The following SLC5A8 variants were observed in gnomAD, a reference collection of about 807,000 sequenced individuals.
SLC5A8 encodes solute carrier family 5 member 8.
In SLC5A8, 55 loss-of-function variants were observed where a neutral mutation model predicts 71.9. The ratio of observed to expected loss-of-function variants is 0.77; its 90% CI spans 0.62 to 0.96. The LOEUF is 0.96. Ranked by LOEUF, SLC5A8 falls within the 40% of genes least tolerant of loss-of-function variation. The probability of loss-of-function intolerance (pLI) is 0.00; values close to 1 mark genes in which losing one functional copy is unlikely to be tolerated. For synonymous variants in SLC5A8, 307 were observed against 276.1 expected, an observed-to-expected ratio of 1.11 and a Z score of -1.11; for missense variants, 701 against 745.3, an observed-to-expected ratio of 0.94 and a Z score of 0.69.
intron 10 of SLC5A8, among the ~76,000 whole-genome samples, chr12:101,172,541 G>A (rs144067131): frequency 2.3e-4 from 35 of 152,282 alleles, no homozygotes; most frequent in African/African-American, 8.4e-4. Context: ...CTCATCCCGT[G>A]GGTGAGGGGT....
At chr12:101,162,296 C>T (rs1364167554) in intron 12 of SLC5A8, among the ~76,000 whole-genome samples, 2 of 152,196 alleles carry the variant, frequency 1.3e-5, no homozygotes, top group Non-Finnish European at 2.9e-5. Context: ...TTTATTCATT[C>T]AATTCTGCAT....
intron 3 of SLC5A8, among the ~76,000 whole-genome samples, chr12:101,200,009 C>CAAAAAA (rs1182463470): frequency 3.1e-4 from 3 of 9,632 alleles, no homozygotes; most frequent in Non-Finnish European, 6.1e-4. Context: ...GTACTACCAG[C>CAAAAAA]AAAAAAAAAA....
At chr12:101,180,399 C>T (rs572837868) in intron 9 of SLC5A8, among the ~76,000 whole-genome samples, 2 of 152,258 alleles carry the variant, frequency 1.3e-5, no homozygotes, top group East Asian at 3.9e-4. Flanking sequence ...TGTTATTAAT[C>T]TAATCATCCA....
intron 1 of SLC5A8, among the ~76,000 whole-genome samples, chr12:101,206,878 C>G (rs771178871): frequency 1.4e-4 from 22 of 152,090 alleles, no homozygotes; most frequent in Non-Finnish European, 1.5e-5. Context: ...TTGCTAAACA[C>G]CTATCAGGAC....
intron 12 of SLC5A8, among the ~76,000 whole-genome samples, chr12:101,163,473 G>C (rs908104154): frequency 6.6e-6 from 1 of 152,158 alleles, no homozygotes; most frequent in Admixed American, 6.5e-5. Context: ...GAGGTCAGGA[G>C]TTCAAGACCA....
rs1042080298 is a variant in SLC5A8 at position 101,190,402 on chromosome 12, TGAAA to T, written c.833+62_833+65del. 4.0e-5 allele frequency: 61 copies of T among 1,542,538 alleles called. No individual in the cohort carries two copies. The Admixed American group carries it at 1.2e-3, about 30-fold the overall frequency. On this transcript the variant is annotated intron_variant, in intron 6 of 14. Transcript: ENST00000536262. ...ACATAAAGGAGCTAAACGTGACTTA[TGAAA>T]GAGTTTCCATAAAGACAACTGATGG...
chr12:101,196,890 T>C (rs1869201199), intron 3 of SLC5A8, among the ~76,000 whole-genome samples: 1 of 152,038 alleles, frequency 6.6e-6, no homozygotes, highest in Admixed American at 6.6e-5. Context: ...TAACTCAGAG[T>C]TCTGGTGATG....
At chr12:101,202,476 C>T (rs1869498012) in intron 2 of SLC5A8, among the ~76,000 whole-genome samples, 2 of 151,888 alleles carry the variant, frequency 1.3e-5, no homozygotes, top group South Asian at 4.1e-4. Flanking sequence ...TTATATGGTG[C>T]TTAGTGCAAA....
chr12:101,189,224 C>A (rs192672006), intron 6 of SLC5A8, among the ~76,000 whole-genome samples: 7 of 152,254 alleles, frequency 4.6e-5, no homozygotes, highest in African/African-American at 1.7e-4. Context: ...TTTAAAAGTA[C>A]AATAGACTAC....
intron 13 of SLC5A8, among the ~76,000 whole-genome samples, chr12:101,158,598 C>CTCTCTCTCTCTCTCTATATATA (rs1411795424): frequency 1.4e-4 from 3 of 21,256 alleles, no homozygotes; most frequent in Non-Finnish European, 2.6e-4. Context: ...CTCTCTCTCT[C>CTCTCTCTCTCTCTCTATATATA]TATATATATA....
chr12:101,175,555 G>A (rs959382617), intron 10 of SLC5A8, among the ~76,000 whole-genome samples: 1 of 151,276 alleles, frequency 6.6e-6, no homozygotes, highest in Non-Finnish European at 1.5e-5. Context: ...CTCAAAACAA[G>A]GAAATACACA....
rs1593371241 is a variant in SLC5A8, at chr12:101,179,879, A to G, written c.1233+150T>C. 3 of 758,572 alleles carry G rather than the reference A, an allele frequency of 4.0e-6. No individual in the cohort carries two copies. In the Admixed American group the frequency reaches 7.1e-5, roughly 18 times the overall value. The allele number at this position is 758,572 out of a possible 1,614,324, so 47.0% of individuals were successfully genotyped here. A position where few individuals can be genotyped will look rare whatever the true frequency, so the allele number is the denominator to read the frequency against. ...CAATTATCTCAAAACACAAAGTTTA[A>G]TTAAAAAAAATTAAAAAGTGTAGTC... On this transcript the variant is annotated intron_variant, in intron 10 of 14. Coordinates refer to ENST00000536262, the MANE Select transcript of SLC5A8 (RefSeq NM_145913.5).
chr12:101,171,409 C>T (rs1328996462), intron 10 of SLC5A8, among the ~76,000 whole-genome samples: 1 of 152,160 alleles, frequency 6.6e-6, no homozygotes, highest in Non-Finnish European at 1.5e-5. Flanking sequence ...CCACACTCCA[C>T]CCCTGACCCT....
intron 2 of SLC5A8, among the ~76,000 whole-genome samples, chr12:101,204,000 A>AGT (rs1171251294): frequency 2.0e-5 from 3 of 152,206 alleles, no homozygotes; most frequent in African/African-American, 7.2e-5. Context: ...TGGTTCTTGT[A>AGT]GTCTAATTTT....
Position 101,178,767 on chromosome 12 carries a change from C to T in SLC5A8, c.1233+1262G>A, listed in dbSNP as rs180682915. Among the ~76,000 whole-genome samples, 4 of 151,864 alleles carry T rather than the reference C, an allele frequency of 2.6e-5. No homozygotes were observed. The East Asian group carries it at 7.7e-4, about 29-fold the overall frequency. The stretch of plus-strand genomic sequence containing the variant: ...GGCTAGGTAAAGTTCTTAGACTTTA[C>T]ACCAGAAACACAATCCATGAAAGGA... On this transcript the variant is annotated intron_variant, in intron 10 of 14. Transcript: ENST00000536262.
rs902438733 is a variant in SLC5A8, at chr12:101,198,819, A to G, written c.469+3345T>C. Among the ~76,000 whole-genome samples the G allele has an allele frequency of 2.0e-5, 3 of 151,982 alleles. No homozygotes were observed. In the East Asian group the frequency reaches 5.8e-4, roughly 29 times the overall value. The stretch of plus-strand genomic sequence containing the variant: ...ATGTTAGCAAATCGAATTCGGTAAT[A>G]TATAAAAAGGATAATACATTATGAG... On this transcript the variant is annotated intron_variant, in intron 3 of 14. Coordinates refer to ENST00000536262, the MANE Select transcript of SLC5A8 (RefSeq NM_145913.5).
chr12:101,205,112 T>A (rs567811018), intron 1 of SLC5A8, among the ~76,000 whole-genome samples: 1 of 152,286 alleles, frequency 6.6e-6, no homozygotes. Context: ...GGAAATCACA[T>A]GATCCCAGCT....
intron 2 of SLC5A8, among the ~76,000 whole-genome samples, chr12:101,202,442 C>A (rs750650471): frequency 6.6e-6 from 1 of 151,652 alleles, no homozygotes; most frequent in Non-Finnish European, 1.5e-5. Flanking sequence ...TTTTTGTGAC[C>A]GGCTTATGTA....
chr12:101,185,021 A>G (rs1291691412), intron 7 of SLC5A8, among the ~76,000 whole-genome samples: 2 of 152,206 alleles, frequency 1.3e-5, no homozygotes, highest in African/African-American at 4.8e-5. Flanking sequence ...CTTATTGATT[A>G]CTTCTCCCAC....
Sources: allele counts gnomAD v4.1 joint callset (sites outside exome capture counted in the v4.1 genomes callset), GRCh38; gene constraint gnomAD v4.1.1; transcripts MANE v1.5; gene names NCBI Gene and HGNC (gene_info 2026-07-23, HGNC 2026-07-21).